The following TMEM131 variants were observed in gnomAD, a reference collection of about 807,000 sequenced individuals.
TMEM131 encodes 2610524E03Rik.
TMEM131 carries 66 observed loss-of-function variants against 211.6 expected under a neutral mutation model. The ratio of observed to expected loss-of-function variants is 0.31; its 90% CI spans 0.26 to 0.38. The LOEUF (loss-of-function observed/expected upper bound fraction) is 0.38, where lower values mean the gene tolerates loss of function less well. Among genes scored for constraint, TMEM131 ranks in the 10% least tolerant of loss-of-function variants. TMEM131 has a pLI of 1.00. For synonymous variants in TMEM131, 844 were observed against 841.3 expected (o/e 1.00, Z -0.06); for missense variants, 2,036 against 2,299.3 (o/e 0.89, Z 2.34).
chr2:97,802,532 T>G lies in TMEM131; in HGVS notation c.2547A>C (p.Glu849Asp). ...PLTNTNCSSE[E>D]EITLENPADV... ...CTGCAGGATTTTCTAAAGTAATCTCTTCTTCCTTAAACAAAATAATGAAAC... is the reference window on the plus strand; with the variant it reads ...CTGCAGGATTTTCTAAAGTAATCTCGTCTTCCTTAAACAAAATAATGAAAC... Residue 849 changes from glutamate to aspartate, a missense_variant, in exon 24 of 41, where the codon GAA becomes GAC. Around this residue, in one of 3 missense-constraint regions of TMEM131, gnomAD observed 1,623 missense variants for 1,805.9 expected, o/e 0.90. Transcript: ENST00000186436. The G allele has an allele frequency of 6.2e-7, 1 of 1,609,332 alleles. No homozygotes were observed. Among genetic ancestry groups the G allele is most frequent in the Non-Finnish European group, 8.5e-7 (1 of 1,178,244 alleles).
chr2:97,761,359 G>A, intron 36 of TMEM131: 1 of 165,760 alleles, frequency 6.0e-6, no homozygotes, highest in Non-Finnish European at 1.3e-5. Flanking sequence ...AGTGGTTACT[G>A]CCTCTTGGGC....
intron 27 of TMEM131, 69 bp from the exon 28 acceptor site, chr2:97,796,473 A>T: frequency 1.0e-6 from 1 of 970,480 alleles, no homozygotes; most frequent in South Asian, 1.6e-5. Context: ...AATGATAAAT[A>T]CATTATTCAT....
chr2:97,772,459 T>G, intron 32 of TMEM131, 35 bp from the exon 33 acceptor site: 1 of 1,590,272 alleles, frequency 6.3e-7, no homozygotes, highest in Non-Finnish European at 8.5e-7. Context: ...CTGAGAAGGA[T>G]TAATAAAATG....
chr2:97,814,593 C>T (rs1681728175), intron 13 of TMEM131, among the ~76,000 whole-genome samples: 1 of 151,808 alleles, frequency 6.6e-6, no homozygotes, highest in African/African-American at 2.4e-5. Context: ...TACAAACAAC[C>T]ATTCTCTAAT....
At chr2:97,974,528 G>GA (rs1015181441) in intron 1 of TMEM131, among the ~76,000 whole-genome samples, 2 of 150,216 alleles carry the variant, frequency 1.3e-5, no homozygotes, top group African/African-American at 4.9e-5. Flanking sequence ...CAACAAACAT[G>GA]AAAAAAACTA....
chr2:97,954,790 G>C (rs546384966), intron 1 of TMEM131, among the ~76,000 whole-genome samples: 4 of 104,438 alleles, frequency 3.8e-5, no homozygotes, highest in South Asian at 3.1e-4. Flanking sequence ...TGGGAGACAA[G>C]AGTGAAACTC....
chr2:97,801,431 T>C (rs1287494049), intron 25 of TMEM131, among the ~76,000 whole-genome samples: 1 of 152,220 alleles, frequency 6.6e-6, no homozygotes. Context: ...TAAAAGATTA[T>C]CCATTGAGTG....
intron 1 of TMEM131, among the ~76,000 whole-genome samples, chr2:97,941,741 C>T (rs1396131154): frequency 6.6e-6 from 1 of 152,158 alleles, no homozygotes; most frequent in African/African-American, 2.4e-5. Context: ...TCATCACTGG[C>T]CATCAGAGAA....
intron 31 of TMEM131, among the ~76,000 whole-genome samples, chr2:97,780,980 G>A (rs1031570507): frequency 6.6e-6 from 1 of 152,102 alleles, no homozygotes; most frequent in South Asian, 2.1e-4. Context: ...ACCACTGCCC[G>A]GATGAAGCAT....
chr2:97,837,260 C>G, intron 7 of TMEM131, 103 bp from the exon 8 acceptor site: 1 of 794,050 alleles, frequency 1.3e-6, no homozygotes, highest in Non-Finnish European at 2.0e-6. Context: ...CTGTTTATCA[C>G]AAAACATTTA....
At chr2:97,848,443 C>T (rs899230989) in intron 5 of TMEM131, among the ~76,000 whole-genome samples, 17 of 152,186 alleles carry the variant, frequency 1.1e-4, no homozygotes, top group African/African-American at 3.6e-4. Context: ...AACAATGTAG[C>T]ATTTGCATAT....
chr2:97,782,833 T>C (rs1205200388), intron 31 of TMEM131, among the ~76,000 whole-genome samples: 2 of 151,616 alleles, frequency 1.3e-5, no homozygotes, highest in African/African-American at 2.4e-5. Flanking sequence ...ACCCGTGTAA[T>C]TATAACAAAA....
Position 97,829,201 on chromosome 2 carries a change from G to A in TMEM131, c.1074+4164C>T, listed in dbSNP as rs553039480. Among the ~76,000 whole-genome samples the A allele has an allele frequency of 4.6e-5, 7 of 152,344 alleles. No homozygotes were observed. The East Asian group carries it at 1.4e-3, about 29-fold the overall frequency. ...AGAGGGGAAGCCAGCTGGATTTCCT[G>A]GGTTGAGTGGAGACTTGGAGAACTT... On this transcript the variant is annotated intron_variant, in intron 11 of 40. Transcript: ENST00000186436.
intron 34 of TMEM131, 107 bp from the exon 35 acceptor site, chr2:97,766,370 C>A (rs1679165438): frequency 1.3e-6 from 2 of 1,597,128 alleles, no homozygotes; most frequent in East Asian, 2.2e-5. Context: ...CTTAGCCTTG[C>A]ATGACTAATA....
At chr2:97,942,750 C>T (rs1162886957) in intron 1 of TMEM131, among the ~76,000 whole-genome samples, 1 of 151,946 alleles carries the variant, frequency 6.6e-6, no homozygotes, top group Non-Finnish European at 1.5e-5. Flanking sequence ...GGACAGGTGG[C>T]TTCACTGATG....
intron 1 of TMEM131, among the ~76,000 whole-genome samples, chr2:97,979,082 C>T (rs1679672531): frequency 6.6e-6 from 1 of 152,166 alleles, no homozygotes. Flanking sequence ...TTTTAACAAG[C>T]AGTAATATTT....
Position 97,795,057 on chromosome 2 carries a change from T to C in TMEM131, c.3259A>G (p.Ser1087Gly). 1 of 1,613,962 alleles carries C rather than the reference T, an allele frequency of 6.2e-7. No individual in the cohort carries two copies. Among genetic ancestry groups the C allele is most frequent in the Middle Eastern group, 1.6e-4 (1 of 6,062 alleles). ...AATATAAATACAAACTCAGAGCCAC[T>C]GGTTGTTATAAACTTCAGTTCCCGA... ...VIRELKFITTSGSEFVFILNA... is the reference protein window; with the variant it reads ...VIRELKFITTGGSEFVFILNA... The change falls in exon 29 of 41, where the codon AGT (serine) becomes GGT (glycine). Residue 1087 changes from serine (S) to glycine (G), a missense_variant. By Grantham distance (56) the Ser-to-Gly change is moderately conservative. Coordinates refer to ENST00000186436, the MANE Select transcript of TMEM131 (RefSeq NM_015348.2).
intron 1 of TMEM131, among the ~76,000 whole-genome samples, chr2:97,954,207 C>A (rs550280184): frequency 2.0e-5 from 3 of 152,102 alleles, no homozygotes; most frequent in African/African-American, 7.2e-5. Flanking sequence ...ATAACAACAA[C>A]AAAAATCAAT....
rs183779909 is a variant in TMEM131 at position 97,935,274 on chromosome 2, T to C, written c.188-7787A>G. Among the ~76,000 whole-genome samples, 67 of 152,274 alleles carry C rather than the reference T, an allele frequency of 4.4e-4. 1 individual carries two copies. The highest frequency in any genetic ancestry group is 4.4e-3 in the Admixed American group (67 of 15,286). On this transcript the variant is annotated intron_variant, in intron 1 of 40. Transcript: ENST00000186436. The stretch of plus-strand genomic sequence containing the variant: ...AGGATGGTGAAAATGAAATACCCAT[T>C]CCTATCAAAAGATCAACATCCTGGT...
Sources: allele counts gnomAD v4.1 joint callset (sites outside exome capture counted in the v4.1 genomes callset), GRCh38; gene constraint gnomAD v4.1.1; regional missense constraint gnomAD v4.1.1; transcripts MANE v1.5; gene names NCBI Gene and HGNC (gene_info 2026-07-23, HGNC 2026-07-21).